The following SMARCAD1 variants were observed in gnomAD, a reference collection of about 807,000 sequenced individuals.
SMARCAD1 encodes SNF2 related chromatin remodeling ATPase with DExD box 1, also known as SWI/SNF-related matrix-associated actin-dependent regulator of chromatin subfamily A containing DEAD/H box 1.
A neutral mutation model predicts 127.1 loss-of-function variants in SMARCAD1; 25 were observed. That is an observed-to-expected ratio of 0.20 (90% confidence interval 0.14 to 0.27). The LOEUF is 0.27. SMARCAD1 is among the 10% of genes least tolerant of loss of function. The pLI is 1.00. For missense variants in SMARCAD1, 807 were observed against 1,206.0 expected (o/e 0.67, Z 4.90); for synonymous variants, 400 against 396.9 (o/e 1.01, Z -0.09).
intron 2 of SMARCAD1, among the ~76,000 whole-genome samples, chr4:94,223,837 T>G (rs1744574754): frequency 6.7e-6 from 1 of 148,900 alleles, no homozygotes; most frequent in Non-Finnish European, 1.5e-5. Context: ...CACCTCGGCC[T>G]CCCAAAGTTC....
intron 9 of SMARCAD1, among the ~76,000 whole-genome samples, chr4:94,257,664 A>G (rs1750310648): frequency 1.3e-5 from 2 of 152,100 alleles, no homozygotes; most frequent in Admixed American, 6.6e-5. Flanking sequence ...AAATAATTCT[A>G]TAGGCTTGTT....
chr4:94,284,576 GT>G (rs1553922093), intron 22 of SMARCAD1, among the ~76,000 whole-genome samples: 3,343 of 135,246 alleles, frequency 0.025, 94 homozygotes, highest in African/African-American at 0.072. Flanking sequence ...TTTGGTTTTT[GT>G]TTTTTTTTTT....
In SMARCAD1 at chr4:94,249,395, A is replaced by T. The variant is rs114458559; in HGVS notation, c.706-259A>T. ...ATCATTCTAGTTTTTTAGGAGATTT[A>T]TCTCATTTTAAGCACTGAGAATAAA... On this transcript the variant is annotated intron_variant, in intron 6 of 23. Coordinates refer to ENST00000354268, the MANE Select transcript of SMARCAD1 (RefSeq NM_020159.5). 9.5e-3 allele frequency among the ~76,000 whole-genome samples: 1,441 copies of T among 152,122 alleles called. 19 individuals are homozygous for T. The highest frequency in any genetic ancestry group is 0.033 in the African/African-American group (1,375 of 41,550).
chr4:94,220,468 GA>G (rs1560514262), intron 2 of SMARCAD1, among the ~76,000 whole-genome samples: 1 of 151,992 alleles, frequency 6.6e-6, no homozygotes, highest in East Asian at 1.9e-4. Context: ...GATTGCTCTC[GA>G]ACTCCTGACC....
At chr4:94,272,874 T>C (rs1333741495) in intron 11 of SMARCAD1, among the ~76,000 whole-genome samples, 1 of 152,132 alleles carries the variant, frequency 6.6e-6, no homozygotes, top group South Asian at 2.1e-4. Flanking sequence ...CGGCGCACTC[T>C]CAGCTCACTG....
rs1291167678 is a variant in SMARCAD1, at chr4:94,289,905, T to C, written c.*371T>C. 8.8e-6 allele frequency: 4 copies of C among 455,808 alleles called. No homozygotes were observed. The highest frequency in any genetic ancestry group is 1.7e-5 in the Non-Finnish European group (4 of 228,922). 28.2% of individuals were successfully genotyped at this position (455,808 alleles called of 1,614,324 possible). On this transcript the variant is annotated 3_prime_UTR_variant, in exon 24 of 24. Coordinates refer to ENST00000354268, the MANE Select transcript of SMARCAD1 (RefSeq NM_020159.5). Reference sequence around the variant, plus strand: ...ATATATTGTCTTTCACTGGATAATGTGTGTAGATTTTTACATGTGCCTTAT... The same window carrying C: ...ATATATTGTCTTTCACTGGATAATGCGTGTAGATTTTTACATGTGCCTTAT...
At chr4:94,232,102 A>G (rs1478505092) in intron 3 of SMARCAD1, among the ~76,000 whole-genome samples, 3 of 152,162 alleles carry the variant, frequency 2.0e-5, no homozygotes, top group Non-Finnish European at 2.9e-5. Context: ...ACTTCAGGTA[A>G]TCCACCCACG....
intron 6 of SMARCAD1, among the ~76,000 whole-genome samples, chr4:94,241,987 CA>C (rs1747651414): frequency 6.6e-6 from 1 of 152,070 alleles, no homozygotes. Context: ...AACATTCACA[CA>C]AACACCGTTA....
chr4:94,281,382 T>A, intron 20 of SMARCAD1, 90 bp from the exon 21 acceptor site: 1 of 885,632 alleles, frequency 1.1e-6, no homozygotes, highest in South Asian at 1.3e-5. Context: ...CAACATGATA[T>A]AAGTAACACT....
intron 2 of SMARCAD1, among the ~76,000 whole-genome samples, chr4:94,214,560 C>A (rs573208580): frequency 6.6e-6 from 1 of 152,104 alleles, no homozygotes; most frequent in African/African-American, 2.4e-5. Flanking sequence ...GCCACCGCAC[C>A]TGGCCAAGCG....
At chr4:94,238,217 G>T (rs1346911907) in intron 5 of SMARCAD1, among the ~76,000 whole-genome samples, 2 of 152,020 alleles carry the variant, frequency 1.3e-5, no homozygotes, top group Non-Finnish European at 1.5e-5. Context: ...TCCAGTTTGA[G>T]CAAGGAGACA....
At chr4:94,273,548 T>G in intron 11 of SMARCAD1, 69 bp from the exon 12 acceptor site, 4 of 1,159,376 alleles carry the variant, frequency 3.5e-6, no homozygotes, top group Non-Finnish European at 5.1e-6. Flanking sequence ...CTGCTTTTTC[T>G]TCTGTATTTT....
chr4:94,262,512 TA>T (rs533440518), intron 9 of SMARCAD1, among the ~76,000 whole-genome samples: 1 of 152,208 alleles, frequency 6.6e-6, no homozygotes, highest in African/African-American at 2.4e-5. Flanking sequence ...GAGTTCTTTC[TA>T]AACAGGAACT....
chr4:94,219,526 G>A (rs545484508), intron 2 of SMARCAD1, among the ~76,000 whole-genome samples: 1 of 152,100 alleles, frequency 6.6e-6, no homozygotes, highest in African/African-American at 2.4e-5. Flanking sequence ...AACGGGTAAA[G>A]GGTACTGGAT....
intron 3 of SMARCAD1, among the ~76,000 whole-genome samples, chr4:94,231,367 G>C (rs1014736254): frequency 4.6e-5 from 7 of 152,188 alleles, no homozygotes; most frequent in Non-Finnish European, 8.8e-5. Context: ...CCTTAGCAGT[G>C]AGAGGGGACT....
rs755665740 is a variant in SMARCAD1 at position 94,264,891 on chromosome 4, C to G, written c.1466C>G (p.Ser489Cys). 2 of 1,611,838 alleles carry G rather than the reference C, an allele frequency of 1.2e-6. No individual in the cohort carries two copies. Among genetic ancestry groups the G allele is most frequent in the Non-Finnish European group, 1.7e-6 (2 of 1,178,318 alleles). The stretch of plus-strand genomic sequence containing the variant: ...GGTGGATGGAACATAGAACAACCTT[C>G]CATTCTAAACCAAAGGTAATCTTTG... ...NGGGWNIEQP[S>C]ILNQSLSLKP... Residue 489 changes from serine to cysteine, a missense_variant, in exon 10 of 24, where the codon TCC (serine) becomes TGC (cysteine). Transcript: ENST00000354268.
At chr4:94,277,581 A>G (rs1753480451) in intron 16 of SMARCAD1, among the ~76,000 whole-genome samples, 1 of 152,238 alleles carries the variant, frequency 6.6e-6, no homozygotes, top group Non-Finnish European at 1.5e-5. Flanking sequence ...TCTGAAATAA[A>G]AGTTCATAAA....
chr4:94,289,754 G>A lies in SMARCAD1; in HGVS notation c.*220G>A. ...GAAGCCACAAATATGTAGTTCTGAA[G>A]ATGTTGAATAATCATTTTACAAAGC... On this transcript the variant is annotated 3_prime_UTR_variant, in exon 24 of 24. Coordinates refer to ENST00000354268, the MANE Select transcript of SMARCAD1 (RefSeq NM_020159.5). 1 of 644,514 alleles carries A rather than the reference G, an allele frequency of 1.6e-6. No individual in the cohort carries two copies. 39.9% of individuals were successfully genotyped at this position (644,514 alleles called of 1,614,324 possible).
At chr4:94,245,696 T>A (rs1385778637) in intron 6 of SMARCAD1, among the ~76,000 whole-genome samples, 3 of 152,242 alleles carry the variant, frequency 2.0e-5, no homozygotes, top group Non-Finnish European at 4.4e-5. Context: ...ATATTTATTG[T>A]AGTATTTAGG....
Sources: gnomAD v4.1 joint callset for allele counts (sites outside exome capture counted in the v4.1 genomes callset) on GRCh38, gnomAD v4.1.1 for gene constraint, MANE v1.5 for transcripts, NCBI Gene and HGNC (gene_info 2026-07-23, HGNC 2026-07-21) for gene names.